Variants in JCAD observed in about 807,000 individuals in gnomAD.
JCAD encodes the protein junctional cadherin 5-associated protein.
Under a neutral mutation model 98.0 loss-of-function variants are expected in JCAD, and 40 were observed. The ratio of observed to expected loss-of-function variants is 0.41; its 90% CI spans 0.32 to 0.53. JCAD has a LOEUF of 0.53. Ranked by LOEUF, JCAD falls within the 20% of genes least tolerant of loss-of-function variation. The pLI is 0.31. For synonymous variants in JCAD, 691 were observed against 682.3 expected (o/e 1.01, Z -0.20); for missense variants, 1,705 against 1,738.1 (o/e 0.98, Z 0.34).
intron 1 of JCAD, among the ~76,000 whole-genome samples, chr10:30,098,770 CTTA>C (rs1254578336): frequency 2.6e-5 from 4 of 152,212 alleles, no homozygotes; most frequent in Non-Finnish European, 5.9e-5. Context: ...TGTCCAATAA[CTTA>C]TTATCATGAA....
intron 2 of JCAD, among the ~76,000 whole-genome samples, chr10:30,038,446 C>T (rs752267510): frequency 2.1e-4 from 32 of 151,842 alleles, no homozygotes; most frequent in Non-Finnish European, 4.1e-4. Context: ...CACTTTGAGA[C>T]GCTGAGGTAG....
At chr10:30,050,314 CAAA>C (rs61421356) in intron 1 of JCAD, among the ~76,000 whole-genome samples, 91 of 41,738 alleles carry the variant, frequency 2.2e-3, no homozygotes, top group East Asian at 0.017. Flanking sequence ...GACCCTGTCT[CAAA>C]AAAAAAAAAA....
upstream of JCAD, among the ~76,000 whole-genome samples, chr10:30,064,240 T>TAAG (rs148012627): frequency 0.032 from 4,898 of 152,086 alleles, 253 homozygotes; most frequent in African/African-American, 0.11. Context: ...GGTGGCTTTA[T>TAAG]AAGAAGAAGA....
intron 2 of JCAD, among the ~76,000 whole-genome samples, chr10:30,030,809 T>C (rs143097449): frequency 1.1e-3 from 170 of 151,998 alleles, no homozygotes; most frequent in African/African-American, 3.9e-3. Context: ...TCACCCTGAC[T>C]GCACATTAGA....
chr10:30,092,935 AAAAG>A (rs1455026151), intron 1 of JCAD, among the ~76,000 whole-genome samples: 1 of 152,180 alleles, frequency 6.6e-6, no homozygotes, highest in East Asian at 1.9e-4. Context: ...CTGTGGCAGT[AAAAG>A]ATCCCTAAAT....
In JCAD at chr10:30,110,562, A is replaced by T. The variant is rs117607869; in HGVS notation, n.128+4805T>A. Among the ~76,000 whole-genome samples, 48 of 151,658 alleles carry T rather than the reference A, an allele frequency of 3.2e-4. 1 individual carries two copies. In the East Asian group the frequency reaches 8.2e-3, roughly 26 times the overall value. On this transcript the variant is annotated intron_variant and non_coding_transcript_variant, in intron 1 of 2. Coordinates refer to the JCAD transcript ENST00000465712. ...GGACAGCTGATGTATGGACCCGCTG[A>T]TGTATAGGCCAGTTGACATATGGAC...
chr10:30,018,294 T>C (rs1219921232), intron 3 of JCAD, among the ~76,000 whole-genome samples: 2 of 112,586 alleles, frequency 1.8e-5, no homozygotes, highest in African/African-American at 8.8e-5. Flanking sequence ...CTTCTTCTTC[T>C]TCTTTTTTTT....
rs536989023 is a variant in JCAD at position 30,014,948 on chromosome 10, T to A, written c.*2935A>T. Reference sequence around the variant, plus strand: ...CAAGCAGTTATGCACATGGACATAATCCTGAAAACCCAGTCAGGGGCTGGG... The same window carrying A: ...CAAGCAGTTATGCACATGGACATAAACCTGAAAACCCAGTCAGGGGCTGGG... On this transcript the variant is annotated 3_prime_UTR_variant, in exon 4 of 4. Coordinates refer to ENST00000375377, the MANE Select transcript of JCAD (RefSeq NM_020848.4). 4 of 152,282 alleles carry A rather than the reference T, an allele frequency of 2.6e-5. No individual in the cohort carries two copies. The South Asian group carries it at 8.3e-4, about 32-fold the overall frequency. 9.4% of individuals were successfully genotyped at this position (152,282 alleles called of 1,614,324 possible). A position where few individuals can be genotyped will look rare whatever the true frequency, so the allele number is the denominator to read the frequency against.
rs137900259 is a variant in JCAD, at chr10:30,081,495, G to T, written n.129-11674C>A. Among the ~76,000 whole-genome samples, 731 of 152,260 alleles carry T rather than the reference G, an allele frequency of 4.8e-3. 2 individuals are homozygous for T. Among genetic ancestry groups the T allele is most frequent in the African/African-American group, 0.016 (681 of 41,546 alleles). ...CACCCAGGCTGGAGTGCAGTGGCGT[G>T]ATCTATGCTCACTGCAATCTCCGCC... On this transcript the variant is annotated intron_variant and non_coding_transcript_variant, in intron 1 of 2. Transcript: ENST00000465712.
chr10:30,042,884 G>T (rs113622617), intron 2 of JCAD, among the ~76,000 whole-genome samples: 3,990 of 152,252 alleles, frequency 0.026, 198 homozygotes, highest in African/African-American at 0.092. Context: ...GGGCAAGGAG[G>T]GCCCCTGAGC....
chr10:30,053,569 AGAAAAG>A (rs1837511493), intron 1 of JCAD, among the ~76,000 whole-genome samples: 1 of 148,106 alleles, frequency 6.8e-6, no homozygotes, highest in Admixed American at 6.7e-5. Flanking sequence ...CAAAAAAAAA[AGAAAAG>A]AAAAGAAAAG....
chr10:30,030,985 T>C (rs1483207616), intron 2 of JCAD, among the ~76,000 whole-genome samples: 1 of 150,812 alleles, frequency 6.6e-6, no homozygotes, highest in African/African-American at 2.5e-5. Context: ...GAGAAAGATG[T>C]CTCTAGCAGA....
chr10:30,064,802 G>T (rs1056878191), intron 2 of JCAD, among the ~76,000 whole-genome samples: 27 of 152,200 alleles, frequency 1.8e-4, no homozygotes, highest in African/African-American at 5.8e-4. Context: ...CTCCTGAGTA[G>T]CTGGGATTAC....
chr10:30,045,813 C>T (rs1310451032), intron 2 of JCAD, among the ~76,000 whole-genome samples: 1 of 152,208 alleles, frequency 6.6e-6, no homozygotes, highest in Non-Finnish European at 1.5e-5. Context: ...TCCTCTTGCT[C>T]CTCGCTGGAG....
rs763645996 is a variant in JCAD at position 30,027,527 on chromosome 10, C to A, written c.2621G>T (p.Cys874Phe). The A allele has an allele frequency of 1.2e-6, 2 of 1,612,652 alleles. No individual in the cohort carries two copies. The highest frequency in any genetic ancestry group is 2.2e-5 in the South Asian group (2 of 91,082). ...AEPQQENRAH[C>F]RQEDVGFRGN... Reference sequence around the variant, plus strand: ...GCGGAAGCCCACATCCTCCTGTCTGCAGTGAGCACGGTTCTCCTGCTGCGG... The same window carrying A: ...GCGGAAGCCCACATCCTCCTGTCTGAAGTGAGCACGGTTCTCCTGCTGCGG... The change falls in exon 3 of 4, where the codon TGC becomes TTC. Residue 874 changes from cysteine (C) to phenylalanine (F), a missense_variant. Cys to Phe is a radical substitution (Grantham distance 205). This residue lies in a region of JCAD where 1,278 missense variants were observed against 1,243.1 expected (regional missense o/e 1.03). Transcript: ENST00000375377.
rs11402293 is a variant in JCAD at position 30,038,688 on chromosome 10, TA to T, written c.282-8823del. 1.3e-3 allele frequency among the ~76,000 whole-genome samples: 164 copies of T among 122,014 alleles called. 1 individual carries two copies. The highest frequency in any genetic ancestry group is 2.7e-3 in the Admixed American group (29 of 10,846). The allele number at this position is 122,014 out of a possible 152,430, so 80.0% of individuals were successfully genotyped here. A position where few individuals can be genotyped will look rare whatever the true frequency, so the allele number is the denominator to read the frequency against. On this transcript the variant is annotated intron_variant, in intron 2 of 3. Transcript: ENST00000375377. ...GACAGAGAGAGACCCTGTCTCAAAA[TA>T]AAAAAAAAAAAAAAAAGAAAGAAAG...
chr10:30,031,875 C>T (rs1375682450), intron 2 of JCAD, among the ~76,000 whole-genome samples: 1 of 150,898 alleles, frequency 6.6e-6, no homozygotes, highest in African/African-American at 2.4e-5. Context: ...CTGCCTCAGC[C>T]TCCCAAGTAG....
intron 2 of JCAD, among the ~76,000 whole-genome samples, chr10:30,041,393 G>A (rs1415408469): frequency 2.6e-5 from 4 of 152,208 alleles, no homozygotes; most frequent in Admixed American, 1.3e-4. Context: ...TCATAAGTTT[G>A]TAAAAGAAAG....
intron 3 of JCAD, among the ~76,000 whole-genome samples, chr10:30,020,976 C>A (rs1362475002): frequency 6.6e-6 from 1 of 152,186 alleles, no homozygotes; most frequent in African/African-American, 2.4e-5. Flanking sequence ...ACCACCCCAC[C>A]CAACACACAC....
Sources: gnomAD v4.1 joint callset for allele counts (sites outside exome capture counted in the v4.1 genomes callset) on GRCh38, gnomAD v4.1.1 for gene constraint, gnomAD v4.1.1 regional missense constraint, MANE v1.5 for transcripts, NCBI Gene and HGNC (gene_info 2026-07-23, HGNC 2026-07-21) for gene names.